CTNND2: variants seen among roughly 807,000 people sequenced by gnomAD.
The protein encoded by CTNND2 is catenin delta-2.
CTNND2 carries 22 observed loss-of-function variants against 144.4 expected under a neutral mutation model. The observed-to-expected ratio is 0.15, with a 90% confidence interval of 0.11 to 0.22. The LOEUF is 0.22. Ranked by LOEUF, CTNND2 falls within the 10% of genes least tolerant of loss-of-function variation. The probability of loss-of-function intolerance (pLI) is 1.00; values close to 1 mark genes in which losing one functional copy is unlikely to be tolerated. For synonymous variants in CTNND2, 751 were observed against 695.6 expected (o/e 1.08, Z -1.25); for missense variants, 1,353 against 1,618.8 (o/e 0.84, Z 2.82).
At chr5:11,241,091 T>A (rs1742384570) in intron 9 of CTNND2, among the ~76,000 whole-genome samples, 1 of 142,290 alleles carries the variant, frequency 7.0e-6, no homozygotes, top group Admixed American at 6.9e-5. Context: ...ACACACCCAA[T>A]ACACACACCC....
rs527914660 is a variant in CTNND2 at position 11,508,006 on chromosome 5, G to A, written c.287+56938C>T. On this transcript the variant is annotated intron_variant, in intron 3 of 21. Coordinates refer to ENST00000304623, the MANE Select transcript of CTNND2 (RefSeq NM_001332.4). ...AAATGGATTTTTTTTTTTTTTGGTC[G>A]GCATTAGCTGCAGAGAAAAGCAGCA... 9.5e-4 allele frequency among the ~76,000 whole-genome samples: 143 copies of A among 150,792 alleles called. No individual in the cohort carries two copies. In the South Asian group the frequency reaches 0.013, roughly 14 times the overall value.
chr5:11,617,464 T>C (rs928494949), intron 2 of CTNND2, among the ~76,000 whole-genome samples: 4 of 152,240 alleles, frequency 2.6e-5, no homozygotes, highest in African/African-American at 9.6e-5. Flanking sequence ...CATCATTCAT[T>C]CATCATATAT....
chr5:11,388,093 G>C (rs902246809), intron 6 of CTNND2, among the ~76,000 whole-genome samples: 1 of 152,122 alleles, frequency 6.6e-6, no homozygotes, highest in Admixed American at 6.5e-5. Context: ...AGATATTATA[G>C]GATCTTGGTA....
intron 18 of CTNND2, among the ~76,000 whole-genome samples, chr5:11,001,697 G>A (rs1220182296): frequency 2.0e-5 from 3 of 152,082 alleles, no homozygotes; most frequent in Non-Finnish European, 4.4e-5. Context: ...TCTGCTGTTG[G>A]TAGATCTGTC....
chr5:11,781,386 A>G (rs563741590), intron 1 of CTNND2, among the ~76,000 whole-genome samples: 1 of 152,332 alleles, frequency 6.6e-6, no homozygotes, highest in East Asian at 1.9e-4. Context: ...GAGTTTAACA[A>G]AGCCACAAAG....
At chr5:11,319,653 T>C (rs1751837965) in intron 9 of CTNND2, among the ~76,000 whole-genome samples, 1 of 152,208 alleles carries the variant, frequency 6.6e-6, no homozygotes, top group Non-Finnish European at 1.5e-5. Context: ...CCCAAGCAGC[T>C]GGGATTACAG....
intron 8 of CTNND2, among the ~76,000 whole-genome samples, chr5:11,356,301 A>G (rs1755871575): frequency 6.6e-6 from 1 of 152,164 alleles, no homozygotes; most frequent in Non-Finnish European, 1.5e-5. Context: ...TTCAAAATAT[A>G]TGACAAAGCT....
intron 3 of CTNND2, among the ~76,000 whole-genome samples, chr5:11,520,623 C>T (rs1008803867): frequency 1.3e-5 from 2 of 152,236 alleles, no homozygotes; most frequent in African/African-American, 4.8e-5. Flanking sequence ...GCCCAGCCCT[C>T]ATCTCATTTC....
intron 12 of CTNND2, among the ~76,000 whole-genome samples, chr5:11,151,388 C>T (rs1217484167): frequency 6.6e-6 from 1 of 152,156 alleles, no homozygotes. Flanking sequence ...AAAGAATGAA[C>T]CAGCTTTTTA....
chr5:11,829,756 C>T (rs1033534872), intron 1 of CTNND2, among the ~76,000 whole-genome samples: 5 of 152,134 alleles, frequency 3.3e-5, no homozygotes, highest in South Asian at 2.1e-4. Flanking sequence ...GGCACTGCCT[C>T]GTGGAGCTGT....
intron 3 of CTNND2, among the ~76,000 whole-genome samples, chr5:11,524,674 T>C (rs973484620): frequency 2.6e-5 from 4 of 152,196 alleles, no homozygotes; most frequent in African/African-American, 9.6e-5. Context: ...AAAGAGCCCA[T>C]CTCTCCTTGT....
chr5:11,873,070 G>C (rs1336404520), intron 1 of CTNND2, among the ~76,000 whole-genome samples: 1 of 152,158 alleles, frequency 6.6e-6, no homozygotes, highest in South Asian at 2.1e-4. Flanking sequence ...GCAACCTACA[G>C]AATGGGAGAA....
chr5:11,687,329 C>T (rs1161313492), intron 2 of CTNND2, among the ~76,000 whole-genome samples: 1 of 152,224 alleles, frequency 6.6e-6, no homozygotes, highest in Non-Finnish European at 1.5e-5. Flanking sequence ...CTCCTGCCCA[C>T]CTCACTGGCC....
At chr5:11,522,660 A>G (rs748111649) in intron 3 of CTNND2, among the ~76,000 whole-genome samples, 2 of 152,216 alleles carry the variant, frequency 1.3e-5, no homozygotes, top group Non-Finnish European at 2.9e-5. Context: ...GAACAGAGAT[A>G]TCATAAACGA....
At chr5:11,306,113 A>C (rs564700474) in intron 9 of CTNND2, among the ~76,000 whole-genome samples, 1 of 152,314 alleles carries the variant, frequency 6.6e-6, no homozygotes, top group African/African-American at 2.4e-5. Context: ...CCATAAATGA[A>C]GGATTTATAT....
At chr5:11,066,977 T>TGGGGAGCTCCTCCCAAGGGGACTGATTA (rs1457153625) in intron 16 of CTNND2, among the ~76,000 whole-genome samples, 1 of 152,176 alleles carries the variant, frequency 6.6e-6, no homozygotes, top group Non-Finnish European at 1.5e-5. Flanking sequence ...CTCCTCCCAG[T>TGGGGAGCTCCTCCCAAGGGGACTGATTA]GCCTGATGCA....
At chr5:11,132,706 A>G (rs775020657) in intron 12 of CTNND2, among the ~76,000 whole-genome samples, 2 of 152,174 alleles carry the variant, frequency 1.3e-5, no homozygotes, top group Non-Finnish European at 2.9e-5. Context: ...CTGGAAACCA[A>G]CTCCTTAATT....
intron 1 of CTNND2, among the ~76,000 whole-genome samples, chr5:11,861,103 T>C (rs1795484001): frequency 6.6e-6 from 1 of 152,194 alleles, no homozygotes; most frequent in Non-Finnish European, 1.5e-5. Flanking sequence ...TGTTCTGACA[T>C]ACATAAGTCC....
chr5:11,558,900 A>G (rs1451069113), intron 3 of CTNND2, among the ~76,000 whole-genome samples: 1 of 152,024 alleles, frequency 6.6e-6, no homozygotes, highest in Non-Finnish European at 1.5e-5. Flanking sequence ...GTGTAGACTA[A>G]GTAGGTAACA....
Sources: allele counts gnomAD v4.1 joint callset (sites outside exome capture counted in the v4.1 genomes callset), GRCh38; gene constraint gnomAD v4.1.1; transcripts MANE v1.5; gene names NCBI Gene and HGNC (gene_info 2026-07-23, HGNC 2026-07-21).